POC1A: variants seen among roughly 807,000 people sequenced by gnomAD.
The protein encoded by POC1A is POC1 centriolar protein A, also known as POC1 centriolar protein homolog A.
Under a neutral mutation model 47.8 loss-of-function variants are expected in POC1A, and 34 were observed. That is an observed-to-expected ratio of 0.71 (90% CI 0.54 to 0.95). The LOEUF (loss-of-function observed/expected upper bound fraction) is 0.95. POC1A is among the 40% of genes least tolerant of loss of function. The pLI is 0.00. For synonymous variants in POC1A, 177 were observed against 207.6 expected (o/e 0.85, Z 1.27); for missense variants, 466 against 528.3 (o/e 0.88, Z 1.16).
At chr3:52,146,198 C>T (rs964477155) in intron 5 of POC1A, among the ~76,000 whole-genome samples, 4 of 152,236 alleles carry the variant, frequency 2.6e-5, no homozygotes, top group Non-Finnish European at 4.4e-5. Context: ...CACATCCCAC[C>T]GCCAATTTTC....
chr3:52,108,616 C>T (rs1308995025), intron 9 of POC1A, among the ~76,000 whole-genome samples: 1 of 152,152 alleles, frequency 6.6e-6, no homozygotes, highest in Admixed American at 6.5e-5. Context: ...TCACAGGACA[C>T]GAGCAAAGCC....
At chr3:52,126,904 C>A (rs891383962) in intron 7 of POC1A, among the ~76,000 whole-genome samples, 1 of 152,222 alleles carries the variant, frequency 6.6e-6, no homozygotes, top group African/African-American at 2.4e-5. Flanking sequence ...CCCAACAACC[C>A]ACACTGGGGA....
chr3:52,123,877 C>T (rs765461638), intron 8 of POC1A, among the ~76,000 whole-genome samples: 1 of 152,114 alleles, frequency 6.6e-6, no homozygotes, highest in African/African-American at 2.4e-5. Flanking sequence ...TACCAGTTTC[C>T]CTGTCTTCTA....
intron 6 of POC1A, among the ~76,000 whole-genome samples, chr3:52,139,743 GT>G (rs1480276887): frequency 6.6e-6 from 1 of 152,196 alleles, no homozygotes; most frequent in African/African-American, 2.4e-5. Flanking sequence ...TCAGAAAGTG[GT>G]TGGTGAGCAG....
chr3:52,111,630 T>A (rs1161415398), intron 9 of POC1A, among the ~76,000 whole-genome samples: 1 of 129,986 alleles, frequency 7.7e-6, no homozygotes, highest in African/African-American at 3.0e-5. Context: ...TAGGCAAGAA[T>A]GGCTAGACTC....
At chr3:52,122,534 T>C in intron 8 of POC1A, 57 bp from the exon 9 acceptor site, 1 of 1,096,252 alleles carries the variant, frequency 9.1e-7, no homozygotes, top group South Asian at 1.3e-5. Flanking sequence ...TGCCAGTCCT[T>C]CACTGAGGAA....
chr3:52,083,671 G>A (rs966842526), intron 10 of POC1A, among the ~76,000 whole-genome samples: 1 of 152,174 alleles, frequency 6.6e-6, no homozygotes, highest in African/African-American at 2.4e-5. Context: ...TGGTGAGAGG[G>A]CGAGGGAAAC....
intron 10 of POC1A, among the ~76,000 whole-genome samples, chr3:52,091,165 G>C (rs1474018069): frequency 6.6e-6 from 1 of 152,138 alleles, no homozygotes; most frequent in Non-Finnish European, 1.5e-5. Context: ...CTCTCCAGAG[G>C]GGATAGGGGA....
At position 52,076,244 on chromosome 3, in the gene POC1A, G is replaced by A. The variant is rs572258703; in HGVS notation, c.1126-259C>T. On this transcript the variant is annotated intron_variant, in intron 10 of 10. Transcript: ENST00000296484. ...GGTGGGGACACAGTGAGGGAAACTA[G>A]ATGGCAGGTCCCATAGCCTTTGGTC... Among the ~76,000 whole-genome samples the A allele has an allele frequency of 5.3e-5, 8 of 152,340 alleles. No homozygotes were observed. In the South Asian group the frequency reaches 1.4e-3, roughly 28 times the overall value.
intron 9 of POC1A, among the ~76,000 whole-genome samples, chr3:52,103,658 T>C (rs75169819): frequency 0.1 from 15,267 of 152,106 alleles, 1,380 homozygotes; most frequent in East Asian, 0.36. Context: ...TAAAGTATGA[T>C]CCATAAAAGA....
At chr3:52,141,664 G>A (rs1031119459) in intron 6 of POC1A, among the ~76,000 whole-genome samples, 3 of 152,198 alleles carry the variant, frequency 2.0e-5, no homozygotes, top group Admixed American at 2.0e-4. Flanking sequence ...CCCAGTACAG[G>A]GTACAGGCCT....
At chr3:52,148,042 G>A (rs187294428) in intron 4 of POC1A, among the ~76,000 whole-genome samples, 2 of 152,302 alleles carry the variant, frequency 1.3e-5, no homozygotes, top group Admixed American at 1.3e-4. Context: ...CACTGCCCCT[G>A]ACGCACAGCA....
intron 10 of POC1A, among the ~76,000 whole-genome samples, chr3:52,082,369 G>C (rs550758283): frequency 6.6e-6 from 1 of 152,320 alleles, no homozygotes; most frequent in South Asian, 2.1e-4. Context: ...CCAACAGGGA[G>C]GATGCCGAGA....
intron 1 of POC1A, among the ~76,000 whole-genome samples, chr3:52,152,319 C>T (rs1286402627): frequency 6.6e-6 from 1 of 151,952 alleles, no homozygotes; most frequent in East Asian, 1.9e-4. Flanking sequence ...CCTGTAATCC[C>T]AGCACTTTAG....
intron 9 of POC1A, among the ~76,000 whole-genome samples, chr3:52,096,933 T>C (rs921965707): frequency 6.6e-6 from 1 of 152,214 alleles, no homozygotes; most frequent in African/African-American, 2.4e-5. Flanking sequence ...GGAATCAGAA[T>C]GCCTTGTGAT....
At position 52,075,861 on chromosome 3, in the gene POC1A, C is replaced by T. The variant is rs779481860; in HGVS notation, c.*26G>A. 12 of 1,561,744 alleles carry T rather than the reference C, an allele frequency of 7.7e-6. No homozygotes were observed. The highest frequency in any genetic ancestry group is 2.7e-5 in the African/African-American group (2 of 73,872). The stretch of plus-strand genomic sequence containing the variant: ...CCTGGCCTGCCACCTGCAAATCCAC[C>T]GAGCTCCTGATTCCTGCTCCCCTGA... On this transcript the variant is annotated 3_prime_UTR_variant, in exon 11 of 11. Transcript: ENST00000296484.
At chr3:52,130,053 C>G (rs1439417555) in intron 7 of POC1A, among the ~76,000 whole-genome samples, 2 of 152,204 alleles carry the variant, frequency 1.3e-5, no homozygotes, top group Non-Finnish European at 2.9e-5. Flanking sequence ...TCACCTTCTC[C>G]CGCCTGACTC....
intron 7 of POC1A, among the ~76,000 whole-genome samples, chr3:52,127,892 C>T (rs530302388): frequency 5.3e-4 from 80 of 152,142 alleles, no homozygotes; most frequent in African/African-American, 1.8e-3. Flanking sequence ...GACGGGGTTT[C>T]GCCATGTTGG....
chr3:52,097,539 A>G (rs966257190), intron 9 of POC1A, among the ~76,000 whole-genome samples: 7 of 152,194 alleles, frequency 4.6e-5, no homozygotes, highest in African/African-American at 1.7e-4. Flanking sequence ...GGAGCCAAGG[A>G]TGTCCAAGGG....
Sources: gnomAD v4.1 joint callset for allele counts (sites outside exome capture counted in the v4.1 genomes callset) on GRCh38, gnomAD v4.1.1 for gene constraint, MANE v1.5 for transcripts, NCBI Gene and HGNC (gene_info 2026-07-23, HGNC 2026-07-21) for gene names.